The following TCF25 variants were observed in gnomAD, a reference collection of about 807,000 sequenced individuals.
The protein encoded by TCF25 is TCF25 ribosome quality control complex subunit.
A neutral mutation model predicts 83.1 loss-of-function variants in TCF25; 41 were observed. That is an observed-to-expected ratio of 0.49 (90% CI 0.38 to 0.64). TCF25 has a LOEUF of 0.64. Among genes scored for constraint, TCF25 ranks in the 30% least tolerant of loss-of-function variants. The pLI is 0.00. For missense variants in TCF25, 979 were observed against 914.5 expected, an observed-to-expected ratio of 1.07 and a Z score of -0.91; for synonymous variants, 458 against 365.0, an observed-to-expected ratio of 1.25 and a Z score of -2.90.
Position 89,903,968 on chromosome 16 carries a change from C to G in TCF25, c.1382-150C>G, listed in dbSNP as rs1443298527. The G allele has an allele frequency of 1.3e-5, 10 of 759,400 alleles. No homozygotes were observed. In the African/African-American group the frequency reaches 1.8e-4, roughly 13 times the overall value. 47.0% of individuals were successfully genotyped at this position (759,400 alleles called of 1,614,324 possible). ...CAGCAGCAGCAACTCAGAATACCACCCGGAAGCAAGCCGCTGGCCCTGCAG... is the reference window on the plus strand; with the variant it reads ...CAGCAGCAGCAACTCAGAATACCACGCGGAAGCAAGCCGCTGGCCCTGCAG... On this transcript the variant is annotated intron_variant, in intron 12 of 17. Transcript: ENST00000263346.
At chr16:89,906,785 G>A (rs138093431) in intron 15 of TCF25, among the ~76,000 whole-genome samples, 189 of 152,242 alleles carry the variant, frequency 1.2e-3, no homozygotes, top group Non-Finnish European at 1.3e-3. Context: ...GCTGCTCTGC[G>A]GGCCCTTATG....
chr16:89,903,160 C>G (rs2044487389), intron 12 of TCF25, among the ~76,000 whole-genome samples: 1 of 152,272 alleles, frequency 6.6e-6, no homozygotes, highest in Admixed American at 6.5e-5. Flanking sequence ...TGCTGTGTCA[C>G]AGGCTGTAGC....
At chr16:89,879,264 G>A (rs1375621139) in intron 1 of TCF25, among the ~76,000 whole-genome samples, 22 of 140,018 alleles carry the variant, frequency 1.6e-4, no homozygotes, top group East Asian at 9.0e-4. Context: ...TGGGCTTCGG[G>A]GCCTGTCACA....
At chr16:89,910,536 G>T in intron 16 of TCF25, 55 bp from the exon 17 acceptor site, 16 of 1,589,884 alleles carry the variant, frequency 1.0e-5, no homozygotes, top group South Asian at 1.1e-5. Flanking sequence ...AGCCGGGTTG[G>T]GTCCCACGAG....
chr16:89,897,685 G>A (rs918085005), intron 9 of TCF25, among the ~76,000 whole-genome samples: 2 of 152,230 alleles, frequency 1.3e-5, no homozygotes, highest in East Asian at 1.9e-4. Context: ...ACCAGCATCC[G>A]AAAGTCACAG....
At chr16:89,878,664 G>A in intron 1 of TCF25, 2 of 1,082,366 alleles carry the variant, frequency 1.8e-6, no homozygotes, top group Non-Finnish European at 2.3e-6. Flanking sequence ...TTTTTGAGAC[G>A]GAGTCTTGCG....
At chr16:89,875,705 G>C (rs2042137145) in intron 1 of TCF25, among the ~76,000 whole-genome samples, 1 of 149,982 alleles carries the variant, frequency 6.7e-6, no homozygotes, top group South Asian at 2.1e-4. Context: ...TGTATTTTTA[G>C]TAGAGATGGG....
chr16:89,898,763 G>A lies in TCF25; in HGVS notation c.1116-4G>A, dbSNP rs775765310. 1.2e-6 allele frequency: 2 copies of A among 1,613,752 alleles called. No individual in the cohort carries two copies. The highest frequency in any genetic ancestry group is 2.2e-5 in the East Asian group (1 of 44,878). On this transcript the variant is annotated splice_polypyrimidine_tract_variant and splice_region_variant and intron_variant, in intron 10 of 17. Transcript: ENST00000263346. Reference sequence around the variant, plus strand: ...TGCTCTGCTCTCTGTGCTGCCTCCGGAAGTCTCGAGCCGGATGAGGACCCC... The same window carrying A: ...TGCTCTGCTCTCTGTGCTGCCTCCGAAAGTCTCGAGCCGGATGAGGACCCC...
In TCF25 at chr16:89,885,637, G is replaced by C. The variant is rs541256001; in HGVS notation, c.430-211G>C. ...CCCAGTTTTTTCTAGGGTCCTTCTG[G>C]TTCTGTGATTCTGTCTATGCTGAGC... is the stretch of plus-strand genomic sequence containing the variant. On this transcript the variant is annotated intron_variant, in intron 3 of 17. Coordinates refer to ENST00000263346, the MANE Select transcript of TCF25 (RefSeq NM_014972.3). Among the ~76,000 whole-genome samples the C allele has an allele frequency of 3.3e-5, 5 of 152,264 alleles. No individual in the cohort carries two copies. The East Asian group carries it at 9.6e-4, about 29-fold the overall frequency.
intron 7 of TCF25, 76 bp from the exon 8 acceptor site, chr16:89,894,962 T>C: frequency 7.3e-7 from 1 of 1,364,986 alleles, no homozygotes; most frequent in Non-Finnish European, 1.0e-6. Context: ...GTTTTAAATG[T>C]CTGAAAAAAA....
Position 89,898,866 on chromosome 16 carries a change from G to C in TCF25, c.1215G>C (p.Glu405Asp), listed in dbSNP as rs1221537076. 1.2e-6 allele frequency: 2 copies of C among 1,613,768 alleles called. No homozygotes were observed. The highest frequency in any genetic ancestry group is 1.1e-5 in the South Asian group (1 of 91,080). ...AGTACCTGATCCGCCTCTTCCAGGA[G>C]TGGGAGGTGGGTGCGAGCCTGGTGA... is the stretch of plus-strand genomic sequence containing the variant. ...NYEYLIRLFQ[E>D]WEAHRNLSQL... is the part of the protein sequence containing the mutation. Residue 405 changes from glutamate (E) to aspartate (D), a missense_variant, in exon 11 of 18, where the codon GAG becomes GAC. Physicochemically the swap from Glu to Asp is conservative, Grantham distance 45 (BLOSUM62 2). Coordinates refer to ENST00000263346, the MANE Select transcript of TCF25 (RefSeq NM_014972.3).
At chr16:89,882,186 C>G (rs911064854) in intron 1 of TCF25, among the ~76,000 whole-genome samples, 1 of 152,210 alleles carries the variant, frequency 6.6e-6, no homozygotes, top group African/African-American at 2.4e-5. Flanking sequence ...TCCTAAGATT[C>G]ATCCATATTG....
chr16:89,887,557 G>A (rs954714358), intron 4 of TCF25, 95 bp from the exon 5 acceptor site: 4 of 1,234,776 alleles, frequency 3.2e-6, no homozygotes, highest in Non-Finnish European at 4.4e-6. Flanking sequence ...AAAAATCCGT[G>A]TTCTCTCCTT....
intron 1 of TCF25, among the ~76,000 whole-genome samples, chr16:89,876,259 C>G (rs1433037036): frequency 1.3e-5 from 2 of 152,062 alleles, no homozygotes; most frequent in Non-Finnish European, 2.9e-5. Context: ...GCATTCCATA[C>G]TTTTTTGCTC....
At chr16:89,875,779 C>T (rs2042142853) in intron 1 of TCF25, among the ~76,000 whole-genome samples, 1 of 149,398 alleles carries the variant, frequency 6.7e-6, no homozygotes, top group South Asian at 2.1e-4. Context: ...GCCTCGGCCT[C>T]CCAAAGTGCT....
chr16:89,897,412 G>GC (rs1215153926), intron 9 of TCF25, among the ~76,000 whole-genome samples: 3 of 152,226 alleles, frequency 2.0e-5, no homozygotes, highest in Non-Finnish European at 1.5e-5. Context: ...TGTGTGCAGT[G>GC]CCCTGTTTCT....
chr16:89,884,648 G>T lies in TCF25; in HGVS notation c.421G>T (p.Glu141Ter). Residue 141 changes from glutamate to a stop codon, truncating the protein, a stop_gained, in exon 3 of 18, where the codon GAA (glutamate) becomes TAA (stop). Transcript: ENST00000263346. LOFTEE classifies it high-confidence loss of function. ...GAAAAACAAGAAAAGCAGCACGGGA[G>T]AAGCATCGGTACGTGAGTTGGGCCT... The part of the protein sequence containing the change: ...KQKNKKSSTG[E>*]ASENGLEDID... 6.2e-7 allele frequency: 1 copy of T among 1,612,612 alleles called. No homozygotes were observed. Among genetic ancestry groups the T allele is most frequent in the Non-Finnish European group, 8.5e-7 (1 of 1,179,118 alleles).
chr16:89,908,648 C>T (rs112801984), intron 16 of TCF25, among the ~76,000 whole-genome samples: 30 of 2,920 alleles, frequency 0.01, no homozygotes, highest in South Asian at 0.022. Context: ...CACCTCCCAG[C>T]TCCCACCTCC....
At chr16:89,887,358 T>A (rs2043094609) in intron 4 of TCF25, among the ~76,000 whole-genome samples, 1 of 149,684 alleles carries the variant, frequency 6.7e-6, no homozygotes, top group South Asian at 2.1e-4. Flanking sequence ...AGTCCCAGGG[T>A]GCGTGCACTG....
Sources: gnomAD v4.1 joint callset for allele counts (sites outside exome capture counted in the v4.1 genomes callset) on GRCh38, gnomAD v4.1.1 for gene constraint, MANE v1.5 for transcripts, NCBI Gene and HGNC (gene_info 2026-07-23, HGNC 2026-07-21) for gene names.